The following ASTN2 variants were observed in gnomAD, a reference collection of about 807,000 sequenced individuals.
ASTN2 encodes astrotactin-2.
A neutral mutation model predicts 139.8 loss-of-function variants in ASTN2; 54 were observed. The observed-to-expected ratio is 0.39, with a 90% CI of 0.31 to 0.48. The LOEUF (loss-of-function observed/expected upper bound fraction) is 0.48, where lower values mean the gene tolerates loss of function less well. ASTN2 is among the 20% of genes least tolerant of loss of function. The probability of loss-of-function intolerance (pLI) is 0.95; values close to 1 mark genes in which losing one functional copy is unlikely to be tolerated. For synonymous variants in ASTN2, 756 were observed against 719.5 expected (o/e 1.05, Z -0.81); for missense variants, 1,565 against 1,725.1 (o/e 0.91, Z 1.64).
intron 2 of ASTN2, among the ~76,000 whole-genome samples, chr9:117,258,619 G>A (rs77106050): frequency 0.019 from 2,854 of 152,078 alleles, 82 homozygotes; most frequent in African/African-American, 0.064. Context: ...TGTCTCCATC[G>A]CCTGCAGGAT....
intron 2 of ASTN2, among the ~76,000 whole-genome samples, chr9:117,233,921 T>C (rs1427903167): frequency 2.0e-5 from 3 of 152,182 alleles, no homozygotes; most frequent in Non-Finnish European, 2.9e-5. Context: ...TTCATGCAAA[T>C]AAAATGCACA....
intron 1 of ASTN2, among the ~76,000 whole-genome samples, chr9:117,331,485 G>T (rs1051284849): frequency 6.6e-6 from 1 of 152,074 alleles, no homozygotes; most frequent in Non-Finnish European, 1.5e-5. Flanking sequence ...GGCTCCGAGG[G>T]TTAAATATAA....
chr9:116,734,534 T>A (rs1306149338), intron 13 of ASTN2, among the ~76,000 whole-genome samples: 1 of 150,486 alleles, frequency 6.6e-6, no homozygotes, highest in Non-Finnish European at 1.5e-5. Context: ...ATTCAGAAAT[T>A]CCCAGCATTA....
chr9:117,033,609 C>T (rs570639516), intron 6 of ASTN2, among the ~76,000 whole-genome samples: 1 of 152,136 alleles, frequency 6.6e-6, no homozygotes. Flanking sequence ...ACCCATATAT[C>T]TGTCTAGTTT....
intron 1 of ASTN2, among the ~76,000 whole-genome samples, chr9:117,385,108 A>T (rs983546865): frequency 2.6e-5 from 4 of 152,186 alleles, no homozygotes; most frequent in African/African-American, 9.7e-5. Flanking sequence ...GAAAAAAAGA[A>T]TCATAACATT....
chr9:116,871,967 C>T (rs975792030), intron 10 of ASTN2, among the ~76,000 whole-genome samples: 1 of 152,062 alleles, frequency 6.6e-6, no homozygotes, highest in African/African-American at 2.4e-5. Context: ...AGACCTTGGG[C>T]AAGCCTCTTC....
chr9:116,738,470 T>C (rs1829004602), intron 13 of ASTN2, among the ~76,000 whole-genome samples: 1 of 150,514 alleles, frequency 6.6e-6, no homozygotes, highest in African/African-American at 2.5e-5. Context: ...TGAGACTCCA[T>C]CTCAGAAGAA....
At chr9:116,887,795 G>A (rs924407131) in intron 10 of ASTN2, among the ~76,000 whole-genome samples, 2 of 151,974 alleles carry the variant, frequency 1.3e-5, no homozygotes, top group Non-Finnish European at 2.9e-5. Context: ...AGCCTCCCAA[G>A]AAGCTGGGAC....
At chr9:116,923,948 G>A (rs770250236) in intron 10 of ASTN2, among the ~76,000 whole-genome samples, 42 of 152,190 alleles carry the variant, frequency 2.8e-4, no homozygotes, top group Non-Finnish European at 2.9e-4. Context: ...GTGCTGTGGA[G>A]CAGGGCCCTG....
chr9:117,206,152 C>T (rs116616878), intron 3 of ASTN2, among the ~76,000 whole-genome samples: 19 of 152,214 alleles, frequency 1.2e-4, no homozygotes, highest in African/African-American at 4.1e-4. Context: ...TGAGTGTCGT[C>T]GAAGGCAGAG....
intron 19 of ASTN2, among the ~76,000 whole-genome samples, chr9:116,505,882 C>T (rs548127768): frequency 4.6e-5 from 7 of 152,288 alleles, no homozygotes; most frequent in Non-Finnish European, 1.0e-4. Context: ...CTACATTCAG[C>T]TAGCCACATG....
At chr9:117,145,001 T>C (rs918881983) in intron 3 of ASTN2, among the ~76,000 whole-genome samples, 1 of 151,910 alleles carries the variant, frequency 6.6e-6, no homozygotes, top group African/African-American at 2.4e-5. Context: ...TTAAAAACTT[T>C]TATTTTAGAC....
intron 19 of ASTN2, among the ~76,000 whole-genome samples, chr9:116,497,720 G>A (rs1233992281): frequency 6.6e-6 from 1 of 152,054 alleles, no homozygotes; most frequent in Non-Finnish European, 1.5e-5. Context: ...GGACCAGGCT[G>A]GGGAGAAGGG....
At chr9:116,641,826 T>G (rs879452944) in intron 17 of ASTN2, among the ~76,000 whole-genome samples, 4 of 152,064 alleles carry the variant, frequency 2.6e-5, no homozygotes, top group Non-Finnish European at 5.9e-5. Context: ...TTGAGTAATA[T>G]GTGGATTACT....
intron 3 of ASTN2, among the ~76,000 whole-genome samples, chr9:117,176,761 C>G (rs1260519385): frequency 6.6e-6 from 1 of 152,072 alleles, no homozygotes; most frequent in Non-Finnish European, 1.5e-5. Flanking sequence ...AGCAAGACTT[C>G]ATCTCCAAAA....
chr9:116,514,315 G>A (rs1006297719), intron 19 of ASTN2, among the ~76,000 whole-genome samples: 18 of 149,168 alleles, frequency 1.2e-4, no homozygotes, highest in African/African-American at 3.3e-4. Flanking sequence ...GCAGAACATC[G>A]AATATTGCTG....
chr9:116,623,258 C>A (rs1856267765), intron 17 of ASTN2, among the ~76,000 whole-genome samples: 2 of 151,786 alleles, frequency 1.3e-5, no homozygotes, highest in African/African-American at 4.8e-5. Flanking sequence ...AACAGGAAAT[C>A]TCTCTGGACT....
intron 1 of ASTN2, among the ~76,000 whole-genome samples, chr9:117,375,106 A>T (rs183761013): frequency 6.6e-6 from 1 of 152,368 alleles, no homozygotes; most frequent in East Asian, 1.9e-4. Flanking sequence ...AACAAGAAAC[A>T]TCCTCCTGTA....
At chr9:116,749,294 T>C (rs186410491) in intron 13 of ASTN2, among the ~76,000 whole-genome samples, 126 of 152,292 alleles carry the variant, frequency 8.3e-4, no homozygotes, top group African/African-American at 2.9e-3. Context: ...TGATTAGGCA[T>C]AAGAAGGATG....
Sources: gnomAD v4.1 joint callset for allele counts (sites outside exome capture counted in the v4.1 genomes callset) on GRCh38, gnomAD v4.1.1 for gene constraint, MANE v1.5 for transcripts, NCBI Gene and HGNC (gene_info 2026-07-23, HGNC 2026-07-21) for gene names.